KALRN: variants seen among roughly 807,000 people sequenced by gnomAD.
KALRN encodes the protein kalirin.
Under a neutral mutation model 353.7 loss-of-function variants are expected in KALRN, and 70 were observed. That is an observed-to-expected ratio of 0.20 (90% CI 0.16 to 0.24). The LOEUF (loss-of-function observed/expected upper bound fraction) is 0.24. Among genes scored for constraint, KALRN ranks in the 10% least tolerant of loss-of-function variants. The probability of loss-of-function intolerance (pLI) is 1.00; values close to 1 mark genes in which losing one functional copy is unlikely to be tolerated. For synonymous variants in KALRN, 1,391 were observed against 1,434.8 expected (o/e 0.97, Z 0.69); for missense variants, 2,791 against 3,756.7 (o/e 0.74, Z 6.72).
intron 34 of KALRN, among the ~76,000 whole-genome samples, chr3:124,624,777 T>C (rs944075234): frequency 6.6e-6 from 1 of 152,194 alleles, no homozygotes; most frequent in Admixed American, 6.5e-5. Flanking sequence ...GAAAATTGCC[T>C]GATAGCCAAA....
At chr3:124,403,466 C>G (rs773986452) in intron 13 of KALRN, among the ~76,000 whole-genome samples, 1 of 152,104 alleles carries the variant, frequency 6.6e-6, no homozygotes, top group African/African-American at 2.4e-5. Context: ...TCTTTTAAAT[C>G]TCTAACTGTG....
At chr3:124,280,407 G>A (rs924434672) in intron 5 of KALRN, among the ~76,000 whole-genome samples, 1 of 152,150 alleles carries the variant, frequency 6.6e-6, no homozygotes, top group African/African-American at 2.4e-5. Flanking sequence ...CCCCTGCAGG[G>A]CAGCTCTCCC....
intron 1 of KALRN, among the ~76,000 whole-genome samples, chr3:124,178,335 T>C (rs1335639226): frequency 6.6e-6 from 1 of 152,180 alleles, no homozygotes; most frequent in Non-Finnish European, 1.5e-5. Flanking sequence ...AGATTAACAA[T>C]AACTAATTTA....
At chr3:124,572,844 C>T (rs1183290240) in intron 34 of KALRN, among the ~76,000 whole-genome samples, 1 of 152,020 alleles carries the variant, frequency 6.6e-6, no homozygotes, top group Non-Finnish European at 1.5e-5. Flanking sequence ...TCCAGACCAG[C>T]CTGGGCAACA....
chr3:124,482,911 T>G lies in KALRN; in HGVS notation c.4284+11T>G, dbSNP rs753024160. ...CAACTGCTCCTGAAGGTACCTCCCCTCCCCTCTACATCCCCCTCCACTGCC... is the reference window on the plus strand; with the variant it reads ...CAACTGCTCCTGAAGGTACCTCCCCGCCCCTCTACATCCCCCTCCACTGCC... On this transcript the variant is annotated intron_variant, in intron 28 of 59. Coordinates refer to ENST00000682506, the MANE Select transcript of KALRN (RefSeq NM_001388419.1). 1 of 1,555,144 alleles carries G rather than the reference T, an allele frequency of 6.4e-7. No homozygotes were observed. Among genetic ancestry groups the G allele is most frequent in the African/African-American group, 1.4e-5 (1 of 73,650 alleles).
intron 1 of KALRN, among the ~76,000 whole-genome samples, chr3:124,085,223 T>G (rs1343308742): frequency 6.6e-6 from 1 of 152,210 alleles, no homozygotes; most frequent in African/African-American, 2.4e-5. Context: ...CATCACTAAT[T>G]GATGGCACCA....
chr3:124,208,971 T>TAAC (rs1437907771), intron 1 of KALRN, among the ~76,000 whole-genome samples: 1 of 151,128 alleles, frequency 6.6e-6, no homozygotes, highest in East Asian at 2.0e-4. Context: ...GTCTCAATAA[T>TAAC]AATAATAATA....
chr3:124,584,942 A>G, intron 34 of KALRN: 1 of 1,560,456 alleles, frequency 6.4e-7, no homozygotes, highest in Non-Finnish European at 8.7e-7. Flanking sequence ...GCCTTCTGTT[A>G]GCCAGACTGG....
At chr3:124,564,279 A>C (rs2072503273) in intron 34 of KALRN, among the ~76,000 whole-genome samples, 1 of 151,564 alleles carries the variant, frequency 6.6e-6, no homozygotes, top group Non-Finnish European at 1.5e-5. Context: ...TACTCAGGGC[A>C]TGGTGAGGCA....
At chr3:124,343,930 G>A (rs913315403) in intron 9 of KALRN, among the ~76,000 whole-genome samples, 1 of 152,112 alleles carries the variant, frequency 6.6e-6, no homozygotes, top group Non-Finnish European at 1.5e-5. Flanking sequence ...ATAAATGTCC[G>A]AATATGTGAA....
intron 5 of KALRN, among the ~76,000 whole-genome samples, chr3:124,284,904 T>A (rs535370876): frequency 2.0e-4 from 30 of 152,346 alleles, no homozygotes; most frequent in Non-Finnish European, 4.4e-4. Flanking sequence ...ATTCTTTCTA[T>A]CTCACTCCTC....
intron 37 of KALRN, among the ~76,000 whole-genome samples, chr3:124,644,722 A>G (rs1420303681): frequency 1.3e-5 from 2 of 152,184 alleles, no homozygotes; most frequent in Admixed American, 1.3e-4. Flanking sequence ...TATCCAGTCT[A>G]TCATTGATGG....
intron 50 of KALRN, 36 bp from the exon 51 acceptor site, chr3:124,679,420 GTT>G (rs761889033): frequency 7.0e-6 from 11 of 1,582,680 alleles, no homozygotes; most frequent in African/African-American, 2.7e-5. Context: ...TTCTAACTGT[GTT>G]CTCTTTCTTC....
At chr3:124,126,902 A>G (rs1201631479) in intron 1 of KALRN, among the ~76,000 whole-genome samples, 1 of 152,200 alleles carries the variant, frequency 6.6e-6, no homozygotes, top group East Asian at 1.9e-4. Context: ...TCAATTGTGA[A>G]CAGATGGGCA....
intron 33 of KALRN, among the ~76,000 whole-genome samples, chr3:124,546,981 G>A (rs771308247): frequency 1.3e-5 from 2 of 152,112 alleles, no homozygotes; most frequent in African/African-American, 2.4e-5. Context: ...ATGAATGAGC[G>A]AATGAATGAA....
intron 1 of KALRN, among the ~76,000 whole-genome samples, chr3:124,164,906 T>C (rs1242776659): frequency 6.6e-6 from 1 of 152,212 alleles, no homozygotes; most frequent in Non-Finnish European, 1.5e-5. Context: ...CCTTCGGTGC[T>C]AACCCCAGGC....
intron 57 of KALRN, among the ~76,000 whole-genome samples, chr3:124,705,822 C>CCCTTCCTTCCTTCCTTCCTTCCTT (rs373858046): frequency 1.8e-4 from 26 of 144,764 alleles, no homozygotes; most frequent in African/African-American, 6.1e-4. Context: ...CTTCCTTCCT[C>CCCTTCCTTCCTTCCTTCCTTCCTT]CCTTCCTTCC....
At chr3:124,543,356 C>A (rs1194832326) in intron 33 of KALRN, among the ~76,000 whole-genome samples, 2 of 150,498 alleles carry the variant, frequency 1.3e-5, no homozygotes, top group African/African-American at 2.5e-5. Flanking sequence ...GGCTGGAGTG[C>A]GGTGGCGTGA....
intron 33 of KALRN, chr3:124,519,102 A>G: frequency 2.0e-6 from 2 of 985,744 alleles, no homozygotes; most frequent in Non-Finnish European, 2.4e-6. Flanking sequence ...AGGTTTTTCT[A>G]GCTCCTCCAT....
Sources: gnomAD v4.1 joint callset for allele counts (sites outside exome capture counted in the v4.1 genomes callset) on GRCh38, gnomAD v4.1.1 for gene constraint, MANE v1.5 for transcripts, NCBI Gene and HGNC (gene_info 2026-07-23, HGNC 2026-07-21) for gene names.